The following RRAGD variants were observed in gnomAD, a reference collection of about 807,000 sequenced individuals.
RRAGD encodes the protein ras-related GTP-binding protein D.
RRAGD carries 12 observed loss-of-function variants against 35.5 expected under a neutral mutation model. The observed-to-expected ratio is 0.34, with a 90% CI of 0.22 to 0.55. The LOEUF is 0.55. Among genes scored for constraint, RRAGD ranks in the 20% least tolerant of loss-of-function variants. RRAGD has a pLI of 0.91. For missense variants in RRAGD, 324 were observed against 490.1 expected, an observed-to-expected ratio of 0.66 and a Z score of 3.20; for synonymous variants, 155 against 178.9, an observed-to-expected ratio of 0.87 and a Z score of 1.07.
chr6:89,386,953 A>G (rs1769146504), intron 2 of RRAGD, among the ~76,000 whole-genome samples: 1 of 152,208 alleles, frequency 6.6e-6, no homozygotes, highest in African/African-American at 2.4e-5. Context: ...TAAAATGTAA[A>G]TTTATACACA....
chr6:89,378,241 G>A (rs1437774432), intron 4 of RRAGD, among the ~76,000 whole-genome samples: 2 of 151,920 alleles, frequency 1.3e-5, no homozygotes, highest in African/African-American at 4.8e-5. Context: ...GGCGGAGGTA[G>A]CGGTGAGCCG....
At chr6:89,410,925 T>C (rs1025404627) in intron 1 of RRAGD, among the ~76,000 whole-genome samples, 46 of 152,220 alleles carry the variant, frequency 3.0e-4, no homozygotes, top group African/African-American at 1.1e-3. Flanking sequence ...AATAACATCA[T>C]GTTTAACAGC....
At chr6:89,396,798 G>T (rs1362483383) in intron 1 of RRAGD, among the ~76,000 whole-genome samples, 1 of 132,472 alleles carries the variant, frequency 7.5e-6, no homozygotes, top group Non-Finnish European at 1.5e-5. Flanking sequence ...GGAGTGTTCA[G>T]TGGCATGATC....
At chr6:89,396,003 A>T (rs1414660563) in intron 1 of RRAGD, among the ~76,000 whole-genome samples, 5 of 152,136 alleles carry the variant, frequency 3.3e-5, no homozygotes, top group African/African-American at 1.2e-4. Flanking sequence ...CATCAACTCA[A>T]AATTGGTCTT....
rs548053127 is a variant in RRAGD, at chr6:89,372,757, A to T, written c.903-172T>A. ...AACACACAGGCACAAAAACATACAC[A>T]GTCCTCAACAGTCATTTCCTACTGA... is the stretch of plus-strand genomic sequence containing the variant. On this transcript the variant is annotated intron_variant, in intron 5 of 6. Transcript: ENST00000369415. Among the ~76,000 whole-genome samples, 3 of 152,376 alleles carry T rather than the reference A, an allele frequency of 2.0e-5. No homozygotes were observed. The East Asian group carries it at 5.8e-4, about 29-fold the overall frequency.
At chr6:89,394,193 C>G (rs1041343714) in intron 1 of RRAGD, among the ~76,000 whole-genome samples, 2 of 149,058 alleles carry the variant, frequency 1.3e-5, no homozygotes, top group African/African-American at 2.5e-5. Context: ...AACAGACTCA[C>G]AAAATAAAAT....
At chr6:89,377,532 A>G in intron 5 of RRAGD, 139 bp downstream of exon 5, 1 of 710,464 alleles carries the variant, frequency 1.4e-6, no homozygotes, top group Non-Finnish European at 2.3e-6. Context: ...ATTGCATGCT[A>G]ACTGGTATAT....
At chr6:89,394,692 A>G (rs565481685) in intron 1 of RRAGD, among the ~76,000 whole-genome samples, 8 of 152,342 alleles carry the variant, frequency 5.3e-5, no homozygotes, top group Middle Eastern at 3.4e-3. Flanking sequence ...CTGCTAGAAA[A>G]GCATAGTTAA....
rs1393177336 is a variant in RRAGD at position 89,368,178 on chromosome 6, G to A, written c.1081C>T (p.Arg361Trp). 2 of 1,613,666 alleles carry A rather than the reference G, an allele frequency of 1.2e-6. No individual in the cohort carries two copies. Among genetic ancestry groups the A allele is most frequent in the Non-Finnish European group, 1.7e-6 (2 of 1,179,778 alleles). The change falls in exon 7 of 7, where the codon CGG becomes TGG. Residue 361 changes from arginine (R) to tryptophan (W), a missense_variant. Arg to Trp is a moderately radical substitution (Grantham distance 101). This residue lies in a region of RRAGD where 68 missense variants were observed against 76.8 expected (regional missense o/e 0.89). Coordinates refer to ENST00000369415, the MANE Select transcript of RRAGD (RefSeq NM_021244.5). ...GLIDYNFHCF[R>W]KAIHEVFEVR... ...TCAAAAACTTCATGAATGGCCTTCC[G>A]GAAGCAATGAAAATTATAGTCAATT...
rs535860186 is a variant in RRAGD, at chr6:89,402,826, C to T, written c.148+9020G>A. On this transcript the variant is annotated intron_variant, in intron 1 of 6. Transcript: ENST00000369415. ...TGACCTCGTTGGGTGAAAGTGAGGG[C>T]ATGTTTGAGGAGTTTTAGCCTTGGC... is the stretch of plus-strand genomic sequence containing the variant. Among the ~76,000 whole-genome samples, 432 of 152,270 alleles carry T rather than the reference C, an allele frequency of 2.8e-3. 1 individual carries two copies. The highest frequency in any genetic ancestry group is 4.6e-3 in the Non-Finnish European group (313 of 68,020).
chr6:89,393,992 A>C (rs1582517788), intron 1 of RRAGD, among the ~76,000 whole-genome samples: 1 of 152,234 alleles, frequency 6.6e-6, no homozygotes, highest in African/African-American at 2.4e-5. Flanking sequence ...CTCAAGATGC[A>C]GTACAAAAGA....
chr6:89,407,855 C>G (rs558076958), intron 1 of RRAGD, among the ~76,000 whole-genome samples: 35 of 151,774 alleles, frequency 2.3e-4, no homozygotes, highest in African/African-American at 8.5e-4. Context: ...TTGTGCCTCC[C>G]GTTTCCATTA....
intron 1 of RRAGD, among the ~76,000 whole-genome samples, chr6:89,397,644 C>A (rs1240955567): frequency 6.6e-6 from 1 of 151,326 alleles, no homozygotes; most frequent in Non-Finnish European, 1.5e-5. Flanking sequence ...CTGTAAACAA[C>A]CCAAAAGTCC....
chr6:89,407,312 A>C (rs1354593305), intron 1 of RRAGD, among the ~76,000 whole-genome samples: 1 of 152,216 alleles, frequency 6.6e-6, no homozygotes, highest in Non-Finnish European at 1.5e-5. Flanking sequence ...AAAAAATAAA[A>C]GGATACCAAA....
intron 5 of RRAGD, among the ~76,000 whole-genome samples, chr6:89,375,068 G>A (rs1042066437): frequency 7.2e-5 from 11 of 151,990 alleles, no homozygotes; most frequent in East Asian, 5.8e-4. Context: ...TAATAATACA[G>A]GAAAATTATC....
At chr6:89,373,617 CAAAA>C (rs55767009) in intron 5 of RRAGD, among the ~76,000 whole-genome samples, 3 of 65,698 alleles carry the variant, frequency 4.6e-5, no homozygotes, top group Admixed American at 1.6e-4. Context: ...GACTCCGTCT[CAAAA>C]AAAAAAAAAA....
chr6:89,369,728 A>G (rs1768825315), intron 6 of RRAGD, among the ~76,000 whole-genome samples: 1 of 152,116 alleles, frequency 6.6e-6, no homozygotes, highest in Non-Finnish European at 1.5e-5. Context: ...ACAAACCTTA[A>G]CTTACATATC....
Position 89,412,162 on chromosome 6 carries a change from G to C in RRAGD, c.-169C>G, listed in dbSNP as rs2127901383. 3 of 519,868 alleles carry C rather than the reference G, an allele frequency of 5.8e-6. No homozygotes were observed. Among genetic ancestry groups the C allele is most frequent in the Non-Finnish European group, 8.7e-6 (3 of 346,274 alleles). The allele number at this position is 519,868 out of a possible 1,614,324, so 32.2% of individuals were successfully genotyped here. On this transcript the variant is annotated 5_prime_UTR_variant, in exon 1 of 7. Coordinates refer to ENST00000369415, the MANE Select transcript of RRAGD (RefSeq NM_021244.5). The surrounding 1 kb of genome is among the most constrained non-coding windows in gnomAD (Gnocchi z 4.2). ...CCCCCGGCGGGCGGCGCCCAGGTCC[G>C]GGTCCCGCGGTTCCCAGCGCGCCCG... is the stretch of plus-strand genomic sequence containing the variant.
intron 3 of RRAGD, among the ~76,000 whole-genome samples, chr6:89,379,857 A>C (rs1769012314): frequency 6.6e-6 from 1 of 152,248 alleles, no homozygotes; most frequent in African/African-American, 2.4e-5. Context: ...TATCTTTATC[A>C]AGAACTGTAA....
Sources: allele counts gnomAD v4.1 joint callset (sites outside exome capture counted in the v4.1 genomes callset), GRCh38; gene constraint gnomAD v4.1.1; regional missense constraint gnomAD v4.1.1; non-coding constraint Gnocchi (gnomAD v3.1); transcripts MANE v1.5; gene names NCBI Gene and HGNC (gene_info 2026-07-23, HGNC 2026-07-21).